The following ZNF738 variants were observed in gnomAD, a reference collection of about 807,000 sequenced individuals.
The protein encoded by ZNF738 is protein ZNF738.
In ZNF738, 10 loss-of-function variants were observed where a neutral mutation model predicts 9.2. The ratio of observed to expected loss-of-function variants is 1.09; its 90% CI spans 0.67 to 1.85. ZNF738 has a LOEUF of 1.85. Among genes scored for constraint, ZNF738 ranks in the 40% most tolerant of loss-of-function variants. The pLI is 0.00. For missense variants in ZNF738, 346 were observed against 283.6 expected (o/e 1.22, Z -1.58); for synonymous variants, 113 against 94.5 (o/e 1.20, Z -1.14).
chr19:21,379,871 T>C (rs910200183), intron 4 of ZNF738, among the ~76,000 whole-genome samples: 1 of 152,100 alleles, frequency 6.6e-6, no homozygotes, highest in African/African-American at 2.4e-5. Context: ...GCTACTTTAG[T>C]GAATAAAAGA....
intron 2 of ZNF738, among the ~76,000 whole-genome samples, chr19:21,363,346 T>C (rs1039922756): frequency 1.3e-5 from 2 of 152,178 alleles, no homozygotes; most frequent in African/African-American, 4.8e-5. Context: ...ATATTGAGAC[T>C]GTAAAAGTAG....
intron 4 of ZNF738, chr19:21,377,948 G>A: frequency 7.7e-6 from 3 of 391,978 alleles, no homozygotes; most frequent in Non-Finnish European, 1.3e-5. Flanking sequence ...TCTCTCTGTG[G>A]CTGTTTTATT....
chr19:21,372,105 G>C (rs1210542349), intron 2 of ZNF738: 3 of 151,972 alleles, frequency 2.0e-5, no homozygotes, highest in South Asian at 2.1e-4. Context: ...CACCACCCTG[G>C]CTAATTTTGT....
At chr19:21,381,308 T>G (rs1974000768) in intron 4 of ZNF738, 1 of 1,584,106 alleles carries the variant, frequency 6.3e-7, no homozygotes, top group South Asian at 1.1e-5. Flanking sequence ...GTCTTCAACA[T>G]AGTCCATTTC....
In ZNF738 at chr19:21,385,714, C is replaced by T. The variant is rs571485504; in HGVS notation, c.*2040C>T. Among the ~76,000 whole-genome samples, 4 of 151,634 alleles carry T rather than the reference C, an allele frequency of 2.6e-5. No individual in the cohort carries two copies. The highest frequency in any genetic ancestry group is 2.1e-4 in the South Asian group (1 of 4,772). ...TCAAGAATGTGGCAAAGCTTTTAACCGGTACTCAACCCTTACTACACATAA... is the reference window on the plus strand; with the variant it reads ...TCAAGAATGTGGCAAAGCTTTTAACTGGTACTCAACCCTTACTACACATAA... On this transcript the variant is annotated 3_prime_UTR_variant, in exon 5 of 5. Transcript: ENST00000683779.
At chr19:21,365,956 C>CAA (rs34286707) in intron 2 of ZNF738, among the ~76,000 whole-genome samples, 80,950 of 143,048 alleles carry the variant, frequency 0.57, 22,681 homozygotes, top group Middle Eastern at 0.69. Context: ...GACTCCATCT[C>CAA]AAAAAAAAAA....
At chr19:21,371,104 T>C (rs1456708103) in intron 2 of ZNF738, among the ~76,000 whole-genome samples, 1 of 152,180 alleles carries the variant, frequency 6.6e-6, no homozygotes, top group Non-Finnish European at 1.5e-5. Context: ...TCCAGAGCCA[T>C]AACCACAACT....
At chr19:21,365,440 CA>C (rs1325892849) in intron 2 of ZNF738, among the ~76,000 whole-genome samples, 1 of 151,846 alleles carries the variant, frequency 6.6e-6, no homozygotes, top group Admixed American at 6.6e-5. Flanking sequence ...CTCTTTTGTA[CA>C]AAAAAACCCC....
At chr19:21,375,537 T>C (rs1973916592) in intron 3 of ZNF738, among the ~76,000 whole-genome samples, 173 bp downstream of exon 3, 1 of 152,232 alleles carries the variant, frequency 6.6e-6, no homozygotes, top group African/African-American at 2.4e-5. Context: ...AGATGTTTTA[T>C]CTTAGCCTGA....
Position 21,383,717 on chromosome 19 carries a change from A to T in ZNF738, c.*43A>T. 1 of 1,043,422 alleles carries T rather than the reference A, an allele frequency of 9.6e-7. No individual in the cohort carries two copies. The highest frequency in any genetic ancestry group is 1.3e-5 in the South Asian group (1 of 79,756). The allele number at this position is 1,043,422 out of a possible 1,614,324, so 64.6% of individuals were successfully genotyped here. A position where few individuals can be genotyped will look rare whatever the true frequency, so the allele number is the denominator to read the frequency against. On this transcript the variant is annotated 3_prime_UTR_variant, in exon 5 of 5. Coordinates refer to ENST00000683779, the MANE Select transcript of ZNF738 (RefSeq NM_001355237.2). ...TGTATTCGCAACCCTTACTAGACAT[A>T]AGATAATTCATACTGAAGAGAAACC...
chr19:21,362,383 A>T (rs915235345), intron 2 of ZNF738, among the ~76,000 whole-genome samples: 18 of 152,338 alleles, frequency 1.2e-4, no homozygotes, highest in African/African-American at 4.3e-4. Flanking sequence ...CTCCAGTGAG[A>T]TGGTGTAAGA....
chr19:21,379,301 T>TC (rs1973978536), intron 4 of ZNF738: 1 of 152,194 alleles, frequency 6.6e-6, no homozygotes, highest in South Asian at 2.1e-4. Context: ...AATTTGCACA[T>TC]TAAAAAAATG....
At chr19:21,364,860 C>T (rs1973754585) in intron 2 of ZNF738, among the ~76,000 whole-genome samples, 1 of 149,474 alleles carries the variant, frequency 6.7e-6, no homozygotes, top group South Asian at 2.1e-4. Flanking sequence ...ATTCTCCTGC[C>T]TCAGCCTCCT....
At chr19:21,361,020 G>A (rs7508087) in intron 1 of ZNF738, among the ~76,000 whole-genome samples, 85,347 of 151,064 alleles carry the variant, frequency 0.56, 24,344 homozygotes, top group Middle Eastern at 0.68. Flanking sequence ...CTCCATGTTG[G>A]TCAGGCTGGT....
At chr19:21,361,138 T>A (rs994089136) in intron 1 of ZNF738, among the ~76,000 whole-genome samples, 5 of 150,300 alleles carry the variant, frequency 3.3e-5, no homozygotes, top group African/African-American at 1.2e-4. Context: ...GGGGTTTTTT[T>A]GTTTGTTTTT....
intron 4 of ZNF738, among the ~76,000 whole-genome samples, chr19:21,377,198 T>C (rs1357849463): frequency 6.6e-6 from 1 of 151,798 alleles, no homozygotes; most frequent in African/African-American, 2.4e-5. Context: ...TCCTAGCTAC[T>C]CAGGAGGCGG....
intron 2 of ZNF738, among the ~76,000 whole-genome samples, chr19:21,367,883 A>T (rs2358986): frequency 0.57 from 86,009 of 151,992 alleles, 24,623 homozygotes; most frequent in Middle Eastern, 0.68. Flanking sequence ...AAAAAGACGC[A>T]AAAGTGTCTA....
chr19:21,381,511 C>T (rs1448324085), intron 4 of ZNF738: 8 of 892,554 alleles, frequency 9.0e-6, no homozygotes, highest in Admixed American at 6.3e-5. Context: ...CTTTTTTTTT[C>T]GAGATGGAGT....
At chr19:21,376,335 T>A (rs1973927558) in intron 4 of ZNF738, 1 of 163,088 alleles carries the variant, frequency 6.1e-6, no homozygotes, top group Non-Finnish European at 1.3e-5. Context: ...TATGTTAAAC[T>A]ATTTTTTTAG....
Sources: gnomAD v4.1 joint callset for allele counts (sites outside exome capture counted in the v4.1 genomes callset) on GRCh38, gnomAD v4.1.1 for gene constraint, MANE v1.5 for transcripts, NCBI Gene and HGNC (gene_info 2026-07-23, HGNC 2026-07-21) for gene names.